The following CMIP variants were observed in gnomAD, a reference collection of about 807,000 sequenced individuals.
CMIP encodes c-Maf inducing protein.
CMIP carries 13 observed loss-of-function variants against 97.3 expected under a neutral mutation model. The observed-to-expected ratio is 0.13, with a 90% CI of 0.09 to 0.21. CMIP has a LOEUF of 0.21. Ranked by LOEUF, CMIP falls within the 10% of genes least tolerant of loss-of-function variation. The pLI, the probability that CMIP is intolerant of heterozygous loss-of-function variation, is 1.00. For synonymous variants in CMIP, 538 were observed against 436.3 expected (o/e 1.23, Z -2.91); for missense variants, 847 against 1,024.9 (o/e 0.83, Z 2.37).
intron 1 of CMIP, among the ~76,000 whole-genome samples, chr16:81,510,744 G>A (rs952151458): frequency 2.6e-5 from 4 of 152,082 alleles, no homozygotes; most frequent in Non-Finnish European, 5.9e-5. Flanking sequence ...TGGTGAGATA[G>A]AGTCTTGTTC....
chr16:81,612,391 C>T (rs867331958), intron 2 of CMIP, among the ~76,000 whole-genome samples: 2 of 152,046 alleles, frequency 1.3e-5, no homozygotes, highest in African/African-American at 4.8e-5. Context: ...CTGCAGGAGG[C>T]GGGGCAACTG....
intron 1 of CMIP, among the ~76,000 whole-genome samples, chr16:81,466,123 C>G (rs971374610): frequency 6.6e-6 from 1 of 152,090 alleles, no homozygotes; most frequent in African/African-American, 2.4e-5. Context: ...TTCAGTGGCA[C>G]AATCACAGCT....
chr16:81,671,079 T>C (rs2092679540), intron 8 of CMIP, among the ~76,000 whole-genome samples: 1 of 152,220 alleles, frequency 6.6e-6, no homozygotes, highest in Admixed American at 6.5e-5. Flanking sequence ...TCCACCTGCT[T>C]CGGCCTCCCA....
At chr16:81,446,411 GAC>G (rs1346275203) in intron 1 of CMIP, among the ~76,000 whole-genome samples, 1 of 151,414 alleles carries the variant, frequency 6.6e-6, no homozygotes, top group African/African-American at 2.4e-5. Flanking sequence ...CGTGGAGAAA[GAC>G]AGCTGTGGTG....
intron 1 of CMIP, among the ~76,000 whole-genome samples, chr16:81,557,171 A>G (rs568813406): frequency 6.6e-6 from 1 of 152,356 alleles, no homozygotes; most frequent in East Asian, 1.9e-4. Context: ...CGGTAAATCC[A>G]AAAGTACTTT....
At chr16:81,542,366 C>T (rs749406074) in intron 1 of CMIP, among the ~76,000 whole-genome samples, 2 of 152,090 alleles carry the variant, frequency 1.3e-5, no homozygotes, top group Non-Finnish European at 2.9e-5. Context: ...TTCTTGAGTC[C>T]CAGTTGTATG....
intron 1 of CMIP, among the ~76,000 whole-genome samples, chr16:81,479,766 T>C (rs1908147675): frequency 6.6e-6 from 1 of 152,192 alleles, no homozygotes; most frequent in African/African-American, 2.4e-5. Flanking sequence ...AAGGAAATCC[T>C]GTACCCGTTA....
At chr16:81,537,731 C>A (rs911094719) in intron 1 of CMIP, among the ~76,000 whole-genome samples, 1 of 135,248 alleles carries the variant, frequency 7.4e-6, no homozygotes, top group African/African-American at 2.7e-5. Context: ...AAAGAAATGC[C>A]CCAAATGGGA....
At chr16:81,669,285 C>A (rs2092652900) in intron 7 of CMIP, among the ~76,000 whole-genome samples, 1 of 101,842 alleles carries the variant, frequency 9.8e-6, no homozygotes, top group African/African-American at 3.8e-5. Flanking sequence ...CACCTCACAC[C>A]TCCACACCCA....
At chr16:81,488,945 G>C (rs918095016) in intron 1 of CMIP, among the ~76,000 whole-genome samples, 4 of 151,514 alleles carry the variant, frequency 2.6e-5, no homozygotes, top group Non-Finnish European at 5.9e-5. Flanking sequence ...ACCTTCCTGT[G>C]AGTTTCATTC....
At chr16:81,703,747 C>T in intron 17 of CMIP, 192 bp from the exon 18 acceptor site, 1 of 673,896 alleles carries the variant, frequency 1.5e-6, no homozygotes, top group South Asian at 2.0e-5. Context: ...TGCGTGGCAG[C>T]CCCTCCCTCT....
chr16:81,707,770 C>T (rs1347799445), intron 20 of CMIP, among the ~76,000 whole-genome samples: 1 of 152,248 alleles, frequency 6.6e-6, no homozygotes, highest in Non-Finnish European at 1.5e-5. Flanking sequence ...TCACCCCGTC[C>T]TCCTGGGCCT....
intron 1 of CMIP, among the ~76,000 whole-genome samples, chr16:81,458,996 G>A (rs1437406101): frequency 6.6e-6 from 1 of 151,406 alleles, no homozygotes; most frequent in Admixed American, 6.6e-5. Context: ...CACCATCACT[G>A]TCACCATCAC....
chr16:81,704,657 G>A (rs73602427), intron 18 of CMIP, among the ~76,000 whole-genome samples: 50 of 35,672 alleles, frequency 1.4e-3, no homozygotes, highest in African/African-American at 6.1e-3. Context: ...TCCCTAACTC[G>A]TTCACCCTCC....
At chr16:81,509,582 T>G (rs1320436253) in intron 1 of CMIP, among the ~76,000 whole-genome samples, 1 of 152,216 alleles carries the variant, frequency 6.6e-6, no homozygotes, top group African/African-American at 2.4e-5. Flanking sequence ...TGTCTTTCCC[T>G]TCCGCCCACT....
At chr16:81,657,914 C>T in intron 5 of CMIP, 98 bp downstream of exon 5, 1 of 982,000 alleles carries the variant, frequency 1.0e-6, no homozygotes, top group Non-Finnish European at 1.5e-6. Context: ...CTGCGTAATC[C>T]ACCAGCATCT....
At chr16:81,582,897 A>T (rs1391226029) in intron 1 of CMIP, among the ~76,000 whole-genome samples, 1 of 152,134 alleles carries the variant, frequency 6.6e-6, no homozygotes, top group African/African-American at 2.4e-5. Flanking sequence ...CAGTTGGGGG[A>T]CACCATTCGG....
intron 1 of CMIP, among the ~76,000 whole-genome samples, chr16:81,502,600 C>T (rs747938479): frequency 7.9e-5 from 12 of 152,182 alleles, no homozygotes; most frequent in Middle Eastern, 3.2e-3. Flanking sequence ...ATGGGGAGGA[C>T]TCAGACAAAA....
intron 15 of CMIP, among the ~76,000 whole-genome samples, chr16:81,700,191 G>A (rs1377594453): frequency 4.6e-5 from 7 of 152,136 alleles, no homozygotes. Context: ...GGTTGGGTTA[G>A]CCCCAAGGCT....
Sources: gnomAD v4.1 joint callset for allele counts (sites outside exome capture counted in the v4.1 genomes callset) on GRCh38, gnomAD v4.1.1 for gene constraint, MANE v1.5 for transcripts, NCBI Gene and HGNC (gene_info 2026-07-23, HGNC 2026-07-21) for gene names.